Variants in LIPA observed in about 807,000 individuals in gnomAD.
The protein encoded by LIPA is lipase A, lysosomal acid type, also known as lysosomal acid lipase/cholesteryl ester hydrolase.
A neutral mutation model predicts 40.6 loss-of-function variants in LIPA; 26 were observed. The ratio of observed to expected loss-of-function variants is 0.64; its 90% CI spans 0.47 to 0.89. The LOEUF is 0.89. LIPA is among the 40% of genes least tolerant of loss of function. The pLI is 0.00. For missense variants in LIPA, 455 were observed against 479.6 expected, an observed-to-expected ratio of 0.95 and a Z score of 0.48; for synonymous variants, 188 against 168.4, an observed-to-expected ratio of 1.12 and a Z score of -0.90.
chr10:89,242,069 A>C (rs758525796), intron 3 of LIPA, among the ~76,000 whole-genome samples: 1 of 152,208 alleles, frequency 6.6e-6, no homozygotes, highest in Non-Finnish European at 1.5e-5. Context: ...TTTAAAAAAA[A>C]ACAAAAATCC....
At chr10:89,310,181 A>G (rs1341779883) in intron 1 of LIPA, among the ~76,000 whole-genome samples, 1 of 152,144 alleles carries the variant, frequency 6.6e-6, no homozygotes, top group Admixed American at 6.5e-5. Context: ...GTTGGTTCCA[A>G]GTAGTTCTTA....
intron 2 of LIPA, among the ~76,000 whole-genome samples, chr10:89,356,720 T>A (rs989210540): frequency 1.3e-5 from 2 of 152,194 alleles, no homozygotes; most frequent in African/African-American, 4.8e-5. Context: ...TATATTACAA[T>A]GTAATAATAA....
rs60695962 is a variant in LIPA at position 89,304,856 on chromosome 10, G to T, written c.-2+37755C>A. ...TAAAGGGAATGGAAAATCTTTCCAG[G>T]AGAGTCATAAGGGTACCCTAAAGAA... On this transcript the variant is annotated intron_variant, in intron 1 of 5. Coordinates refer to the LIPA transcript ENST00000282673. 3.3e-5 allele frequency among the ~76,000 whole-genome samples: 5 copies of T among 151,938 alleles called. No individual in the cohort carries two copies. The South Asian group carries it at 1.0e-3, about 31-fold the overall frequency.
intron 1 of LIPA, among the ~76,000 whole-genome samples, chr10:89,291,056 T>C (rs1843371693): frequency 6.6e-6 from 1 of 152,204 alleles, no homozygotes; most frequent in Admixed American, 6.5e-5. Context: ...CATAATAATA[T>C]TGCAAAATAT....
At chr10:89,225,379 G>A (rs1175425343) in intron 5 of LIPA, 151 bp from the exon 6 acceptor site, 2 of 909,152 alleles carry the variant, frequency 2.2e-6, no homozygotes, top group Non-Finnish European at 3.6e-6. Context: ...CTTGACATGG[G>A]GCACTCTGAA....
At chr10:89,380,435 CTTT>C (rs58504474) in intron 2 of LIPA, among the ~76,000 whole-genome samples, 4 of 140,856 alleles carry the variant, frequency 2.8e-5, no homozygotes, top group South Asian at 2.3e-4. Context: ...ACAAACTCAT[CTTT>C]TTTTTTTTTT....
chr10:89,408,228 A>G (rs572947132), intron 2 of LIPA, among the ~76,000 whole-genome samples: 1 of 152,168 alleles, frequency 6.6e-6, no homozygotes, highest in African/African-American at 2.4e-5. Flanking sequence ...GCCTGGCCCC[A>G]ATATTCTCTC....
Position 89,295,638 on chromosome 10 carries a change from A to G in LIPA, c.-2+46973T>C, listed in dbSNP as rs562662323. ...AGAATTATTGCATTATACCATCTGT[A>G]GTTGATGTAACCCATTCCAGGAACA... On this transcript the variant is annotated intron_variant, in intron 1 of 5. Coordinates refer to the LIPA transcript ENST00000282673. Among the ~76,000 whole-genome samples the G allele has an allele frequency of 5.6e-4, 86 of 152,318 alleles. 1 individual carries two copies. In the Middle Eastern group the frequency reaches 0.037, roughly 66 times the overall value.
At chr10:89,289,535 C>A (rs548777395) in intron 1 of LIPA, among the ~76,000 whole-genome samples, 5 of 152,152 alleles carry the variant, frequency 3.3e-5, no homozygotes, top group Non-Finnish European at 7.4e-5. Context: ...AGGCCTTTCC[C>A]ACAGGGTCTG....
chr10:89,392,889 A>C (rs559987090), intron 2 of LIPA, among the ~76,000 whole-genome samples: 27 of 152,368 alleles, frequency 1.8e-4, no homozygotes, highest in African/African-American at 6.3e-4. Context: ...GTTCACACAT[A>C]CATAAATTGT....
rs373314455 is a variant in LIPA, at chr10:89,225,146, G to A, written c.621C>T (p.Ala207=). Reference sequence around the variant, plus strand: ...ATTTGGCCATAGGGCTAGTACAGAAGGCGACGGAAGCCACAGGACCCAGGG... The same window carrying A: ...ATTTGGCCATAGGGCTAGTACAGAAAGCGACGGAAGCCACAGGACCCAGGG... ...FFALGPVASV[A]FCTSPMAKLG... is the part of the protein sequence containing the mutation. The change falls in exon 6 of 10, where the codon GCC becomes GCT. Residue 207 remains alanine (A), a synonymous_variant. Transcript: ENST00000336233. 3 of 1,614,194 alleles carry A rather than the reference G, an allele frequency of 1.9e-6. No individual in the cohort carries two copies. Among genetic ancestry groups the A allele is most frequent in the Non-Finnish European group, 2.5e-6 (3 of 1,180,028 alleles).
At chr10:89,356,449 G>T (rs1843988956) in intron 2 of LIPA, among the ~76,000 whole-genome samples, 1 of 152,174 alleles carries the variant, frequency 6.6e-6, no homozygotes, top group African/African-American at 2.4e-5. Flanking sequence ...TGTATTAACA[G>T]CCATTCCCCA....
At chr10:89,324,081 A>G (rs973874740) in intron 1 of LIPA, among the ~76,000 whole-genome samples, 10 of 152,238 alleles carry the variant, frequency 6.6e-5, no homozygotes, top group Non-Finnish European at 1.5e-4. Flanking sequence ...ACAGACACAT[A>G]GACCAATAGA....
chr10:89,348,588 CG>C (rs1427273865), intron 2 of LIPA, among the ~76,000 whole-genome samples: 2 of 152,178 alleles, frequency 1.3e-5, no homozygotes, highest in Non-Finnish European at 2.9e-5. Context: ...CATTTGTTTG[CG>C]GGTTGCCATG....
intron 1 of LIPA, among the ~76,000 whole-genome samples, chr10:89,288,966 C>A (rs1359469658): frequency 6.6e-6 from 1 of 152,270 alleles, no homozygotes; most frequent in Non-Finnish European, 1.5e-5. Flanking sequence ...TGCTTTACTT[C>A]CAAAGGAAGC....
chr10:89,408,868 C>T (rs1841446763), intron 2 of LIPA, among the ~76,000 whole-genome samples: 1 of 152,182 alleles, frequency 6.6e-6, no homozygotes, highest in African/African-American at 2.4e-5. Flanking sequence ...GGGACAAATT[C>T]CTTACTGGTC....
chr10:89,372,061 G>A (rs995385701), intron 2 of LIPA, among the ~76,000 whole-genome samples: 1 of 152,234 alleles, frequency 6.6e-6, no homozygotes, highest in Non-Finnish European at 1.5e-5. Flanking sequence ...CTTGAGGGTA[G>A]AGAGTAGGAG....
At chr10:89,261,290 A>G (rs1843205938) in intron 1 of LIPA, among the ~76,000 whole-genome samples, 2 of 152,356 alleles carry the variant, frequency 1.3e-5, no homozygotes, top group East Asian at 1.9e-4. Flanking sequence ...ACAGTTAAAA[A>G]TCAGAAGAGC....
Position 89,307,461 on chromosome 10 carries a change from C to T in LIPA, c.-2+35150G>A, listed in dbSNP as rs577142240. 16 of 1,076,584 alleles carry T rather than the reference C, an allele frequency of 1.5e-5. No individual in the cohort carries two copies. In the African/African-American group the frequency reaches 2.5e-4, roughly 17 times the overall value. The allele number at this position is 1,076,584 out of a possible 1,614,324, so 66.7% of individuals were successfully genotyped here. ...AGTTGGTATTCAAAATATGTAATGACTGGTATGGCAAAAGATTGGACTAAG... is the reference window on the plus strand; with the variant it reads ...AGTTGGTATTCAAAATATGTAATGATTGGTATGGCAAAAGATTGGACTAAG... On this transcript the variant is annotated intron_variant, in intron 1 of 5. Transcript: ENST00000282673.
Sources: allele counts gnomAD v4.1 joint callset (sites outside exome capture counted in the v4.1 genomes callset), GRCh38; gene constraint gnomAD v4.1.1; transcripts MANE v1.5; gene names NCBI Gene and HGNC (gene_info 2026-07-23, HGNC 2026-07-21).